Variants in ANLN observed in about 807,000 individuals in gnomAD.
The protein encoded by ANLN is anillin, actin binding protein.
A neutral mutation model predicts 135.1 loss-of-function variants in ANLN; 59 were observed. The ratio of observed to expected loss-of-function variants is 0.44; its 90% CI spans 0.35 to 0.54. ANLN has a LOEUF of 0.54. Ranked by LOEUF, ANLN falls within the 20% of genes least tolerant of loss-of-function variation. ANLN has a pLI of 0.00. For missense variants in ANLN, 1,182 were observed against 1,340.0 expected (o/e 0.88, Z 1.84); for synonymous variants, 406 against 456.4 (o/e 0.89, Z 1.41).
Position 36,389,875 on chromosome 7 carries a change from G to C in ANLN, c.-152G>C. ...GCTGCAGAGGCCGAGTCCGTCACTG[G>C]AAGCCGAGAGGAGAGGACAGCTGGT... On this transcript the variant is annotated 5_prime_UTR_variant, in exon 1 of 24. Transcript: ENST00000265748. The C allele has an allele frequency of 3.6e-6, 5 of 1,397,032 alleles. No individual in the cohort carries two copies. The highest frequency in any genetic ancestry group is 5.0e-6 in the Non-Finnish European group (5 of 1,002,222). The allele number at this position is 1,397,032 out of a possible 1,614,324, so 86.5% of individuals were successfully genotyped here.
intron 7 of ANLN, among the ~76,000 whole-genome samples, chr7:36,414,067 C>T (rs888103701): frequency 7.2e-5 from 11 of 151,910 alleles, no homozygotes; most frequent in Admixed American, 2.6e-4. Context: ...GGTATTGTTA[C>T]GTTTCAAATG....
intron 9 of ANLN, among the ~76,000 whole-genome samples, chr7:36,418,104 G>C (rs961985384): frequency 6.8e-4 from 104 of 152,278 alleles, no homozygotes; most frequent in African/African-American, 2.3e-3. Context: ...AAAGGATATG[G>C]GTGAGGTATA....
rs1789332444 is a variant in ANLN, at chr7:36,453,664, A to G, written c.*1064A>G. 1 of 152,618 alleles carries G rather than the reference A, an allele frequency of 6.6e-6. No individual in the cohort carries two copies. The highest frequency in any genetic ancestry group is 2.4e-5 in the African/African-American group (1 of 41,444). 9.5% of individuals were successfully genotyped at this position (152,618 alleles called of 1,614,324 possible). The stretch of plus-strand genomic sequence containing the variant: ...AAGTTCTTTATGACCTCATTTATAA[A>G]CACTAAATTCTGTCACCTCCTGTCA... On this transcript the variant is annotated 3_prime_UTR_variant, in exon 24 of 24. Transcript: ENST00000265748.
chr7:36,412,327 A>ATTTT (rs1554343030), intron 7 of ANLN, among the ~76,000 whole-genome samples: 10 of 94,818 alleles, frequency 1.1e-4, no homozygotes, highest in African/African-American at 3.8e-4. Flanking sequence ...ATATATATAT[A>ATTTT]TTTTTTTTTT....
intron 22 of ANLN, among the ~76,000 whole-genome samples, chr7:36,445,115 C>T (rs1788935841): frequency 7.3e-6 from 1 of 137,392 alleles, no homozygotes; most frequent in Admixed American, 7.7e-5. Context: ...TTGAATATCC[C>T]TTATTCATAA....
intron 22 of ANLN, among the ~76,000 whole-genome samples, chr7:36,445,161 C>CTTTTTTTT (rs70977145): frequency 2.4e-4 from 14 of 57,824 alleles, no homozygotes; most frequent in South Asian, 8.2e-4. Context: ...ATTTGGGATT[C>CTTTTTTTT]TTTTTTTTTT....
chr7:36,431,617 A>ATATATATAT (rs141380630), intron 20 of ANLN, among the ~76,000 whole-genome samples: 950 of 67,166 alleles, frequency 0.014, 50 homozygotes, highest in African/African-American at 0.027. Flanking sequence ...ATATATATAT[A>ATATATATAT]ATATATATAT....
At position 36,410,503 on chromosome 7, in the gene ANLN, G is replaced by GTA; in HGVS notation, c.1097-10_1097-9insAT. The GTA allele has an allele frequency of 6.4e-7, 1 of 1,569,166 alleles. No homozygotes were observed. The highest frequency in any genetic ancestry group is 8.6e-7 in the Non-Finnish European group (1 of 1,161,474). On this transcript the variant is annotated splice_polypyrimidine_tract_variant and intron_variant, in intron 5 of 23. Transcript: ENST00000265748. Reference sequence around the variant, plus strand: ...TTGAATAGCCTCCAAAAATGTGTGTGTTTTCTGTAGGAGGAACAGGAATTA... The same window carrying GTA: ...TTGAATAGCCTCCAAAAATGTGTGTGTATTTTCTGTAGGAGGAACAGGAATTA...
At position 36,446,379 on chromosome 7, in the gene ANLN, G is replaced by T. The variant is rs57860186; in HGVS notation, c.3078+2517G>T. Among the ~76,000 whole-genome samples, 1,443 of 152,118 alleles carry T rather than the reference G, an allele frequency of 9.5e-3. 27 individuals carry two copies. The highest frequency in any genetic ancestry group is 0.033 in the African/African-American group (1,385 of 41,504). ...GTTTGTTCTTTCCCCACTGTGTTAG[G>T]CCATTCTTGCATTGCTATGAAGAAA... is the stretch of plus-strand genomic sequence containing the variant. On this transcript the variant is annotated intron_variant, in intron 22 of 23. Coordinates refer to ENST00000265748, the MANE Select transcript of ANLN (RefSeq NM_018685.5).
intron 12 of ANLN, among the ~76,000 whole-genome samples, chr7:36,421,404 G>C (rs10480140): frequency 0.23 from 35,457 of 151,632 alleles, 4,261 homozygotes; most frequent in East Asian, 0.41. Context: ...AAAAAATAGA[G>C]ATGGAGTCTC....
Position 36,410,610 on chromosome 7 carries a change from C to CGGGG in ANLN, c.1193_1194insGGGG (p.Ile399GlyfsTer46). 6.2e-7 allele frequency: 1 copy of CGGGG among 1,614,088 alleles called. No homozygotes were observed. The highest frequency in any genetic ancestry group is 2.2e-5 in the East Asian group (1 of 44,866). ...GCTCGTAGCACACCCCACAGAACCCCCATTATTACTCCAAATACAAAGGCC... is the reference window on the plus strand; with the variant it reads ...GCTCGTAGCACACCCCACAGAACCCCGGGGCATTATTACTCCAAATACAAAGGCC... On this transcript the variant is annotated frameshift_variant, in exon 6 of 24. Transcript: ENST00000265748. LOFTEE classifies it high-confidence loss of function.
chr7:36,404,772 A>G (rs1165719819), intron 3 of ANLN, among the ~76,000 whole-genome samples: 1 of 152,192 alleles, frequency 6.6e-6, no homozygotes, highest in East Asian at 1.9e-4. Flanking sequence ...ATACTCCAGT[A>G]GTCGATCTGA....
intron 1 of ANLN, among the ~76,000 whole-genome samples, chr7:36,392,069 T>A (rs542999090): frequency 6.6e-6 from 1 of 152,258 alleles, no homozygotes; most frequent in African/African-American, 2.4e-5. Flanking sequence ...ACAAGAATAC[T>A]ACAAAGAAAC....
chr7:36,410,597 C>G lies in ANLN; in HGVS notation c.1180C>G (p.Pro394Ala). The change falls in exon 6 of 24, where the codon CCC becomes GCC. Residue 394 changes from proline (P) to alanine (A), a missense_variant. Around this residue, in one of 3 missense-constraint regions of ANLN, gnomAD observed 1,022 missense variants for 1,134.0 expected, o/e 0.90. Transcript: ENST00000265748. The part of the protein sequence containing the change: ...HSKESPARST[P>A]HRTPIITPNT... ...CAAAGAAAGTCCAGCTCGTAGCACA[C>G]CCCACAGAACCCCCATTATTACTCC... is the stretch of plus-strand genomic sequence containing the variant. 6.2e-7 allele frequency: 1 copy of G among 1,614,082 alleles called. No individual in the cohort carries two copies. The highest frequency in any genetic ancestry group is 8.5e-7 in the Non-Finnish European group (1 of 1,179,990).
chr7:36,424,006 T>G, intron 15 of ANLN, 63 bp downstream of exon 15: 1 of 1,507,250 alleles, frequency 6.6e-7, no homozygotes, highest in East Asian at 2.4e-5. Context: ...TGATACAGTC[T>G]AAAGCATTCA....
At chr7:36,417,041 C>T in intron 8 of ANLN, 39 bp from the exon 9 acceptor site, 1 of 1,091,092 alleles carries the variant, frequency 9.2e-7, no homozygotes, top group East Asian at 2.5e-5. Context: ...ATTATAGGTT[C>T]TTATATATAT....
chr7:36,399,266 G>A lies in ANLN; in HGVS notation c.360G>A (p.Pro120=), dbSNP rs777398597. ...ADTISDSVAV[P]ASLLGMRRGL... ...CCATCAGTGATTCTGTTGCTGTCCCGGCATCACTGCTGGGCATGAGGAGAG... is the reference window on the plus strand; with the variant it reads ...CCATCAGTGATTCTGTTGCTGTCCCAGCATCACTGCTGGGCATGAGGAGAG... Residue 120 remains proline (P), a synonymous_variant, in exon 3 of 24, where the codon CCG becomes CCA. Coordinates refer to ENST00000265748, the MANE Select transcript of ANLN (RefSeq NM_018685.5). 121 of 1,614,096 alleles carry A rather than the reference G, an allele frequency of 7.5e-5. No homozygotes were observed. The highest frequency in any genetic ancestry group is 9.1e-5 in the Non-Finnish European group (107 of 1,180,002).
rs79136091 is a variant in ANLN, at chr7:36,400,668, G to A, written c.487+1275G>A. Among the ~76,000 whole-genome samples, 1,159 of 152,282 alleles carry A rather than the reference G, an allele frequency of 7.6e-3. 8 individuals are homozygous for A. The highest frequency in any genetic ancestry group is 0.011 in the Non-Finnish European group (721 of 68,018). On this transcript the variant is annotated intron_variant, in intron 3 of 23. Coordinates refer to ENST00000265748, the MANE Select transcript of ANLN (RefSeq NM_018685.5). ...TGAGCCACCGCATCCAGCAGTAGAAGCATTTCTAAAGTGAGCTAGCATAGT... is the reference window on the plus strand; with the variant it reads ...TGAGCCACCGCATCCAGCAGTAGAAACATTTCTAAAGTGAGCTAGCATAGT...
At chr7:36,436,320 A>C (rs949945617) in intron 20 of ANLN, among the ~76,000 whole-genome samples, 1 of 152,230 alleles carries the variant, frequency 6.6e-6, no homozygotes, top group African/African-American at 2.4e-5. Flanking sequence ...TGGCTGAATA[A>C]TATTCTATTA....
Sources: allele counts gnomAD v4.1 joint callset (sites outside exome capture counted in the v4.1 genomes callset), GRCh38; gene constraint gnomAD v4.1.1; regional missense constraint gnomAD v4.1.1; transcripts MANE v1.5; gene names NCBI Gene and HGNC (gene_info 2026-07-23, HGNC 2026-07-21).